Variants in RGPD8 observed in about 807,000 individuals in gnomAD.
RGPD8 encodes the protein RANBP2 like and GRIP domain containing 8.
In RGPD8, 15 loss-of-function variants were observed where a neutral mutation model predicts 89.1. The ratio of observed to expected loss-of-function variants is 0.17; its 90% CI spans 0.11 to 0.26. The LOEUF is 0.26. Ranked by LOEUF, RGPD8 falls within the 10% of genes least tolerant of loss-of-function variation. The pLI is 1.00. For missense variants in RGPD8, 178 were observed against 1,179.6 expected (o/e 0.15, Z 12.44); for synonymous variants, 62 against 420.9 (o/e 0.15, Z 10.44).
intron 22 of RGPD8, among the ~76,000 whole-genome samples, chr2:112,374,634 C>A (rs1364024716): frequency 8.3e-6 from 1 of 120,934 alleles, no homozygotes; most frequent in African/African-American, 2.8e-5. Flanking sequence ...TTTAATACTG[C>A]TTGAGATTTT....
chr2:112,425,567 C>T (rs2104833561), intron 1 of RGPD8, among the ~76,000 whole-genome samples: 1 of 151,740 alleles, frequency 6.6e-6, no homozygotes, highest in Non-Finnish European at 1.5e-5. Context: ...CGAGACCAGC[C>T]TGGCCAACAT....
At chr2:112,431,641 G>GTT (rs368409381) in intron 1 of RGPD8, among the ~76,000 whole-genome samples, 66 of 141,262 alleles carry the variant, frequency 4.7e-4, no homozygotes, top group Admixed American at 5.0e-4. Context: ...TGAGTTTCTG[G>GTT]TTTTTTTTTT....
intron 1 of RGPD8, among the ~76,000 whole-genome samples, chr2:112,425,577 T>G (rs1030368468): frequency 6.6e-6 from 1 of 151,372 alleles, no homozygotes; most frequent in Non-Finnish European, 1.5e-5. Flanking sequence ...CTGGCCAACA[T>G]ACAGAAACCT....
chr2:112,432,688 C>G (rs1680096292), intron 1 of RGPD8: 1 of 985,234 alleles, frequency 1.0e-6, no homozygotes, highest in African/African-American at 1.7e-5. Context: ...TGCCCAAGCC[C>G]CCGAGAACTA....
rs1416288591 is a variant in RGPD8, at chr2:112,371,803, CTG to C, written c.5264-1593_5264-1592del. Among the ~76,000 whole-genome samples the C allele has an allele frequency of 1.6e-4, 22 of 138,350 alleles. No homozygotes were observed. The East Asian group carries it at 4.8e-3, about 30-fold the overall frequency. The allele number at this position is 138,350 out of a possible 152,430, so 90.8% of individuals were successfully genotyped here. On this transcript the variant is annotated intron_variant, in intron 22 of 22. Transcript: ENST00000302558. ...TGGTATTACCCTTCCAGACACCTTTCTGTGTTTTCATACGTATATATGTATGA... is the reference window on the plus strand; with the variant it reads ...TGGTATTACCCTTCCAGACACCTTTCTGTTTTCATACGTATATATGTATGA...
At chr2:112,376,517 T>C (rs1351996372) in intron 22 of RGPD8, among the ~76,000 whole-genome samples, 2 of 111,634 alleles carry the variant, frequency 1.8e-5, no homozygotes, top group African/African-American at 6.4e-5. Flanking sequence ...TTGTTATAGA[T>C]AAAAAAACAA....
intron 1 of RGPD8, among the ~76,000 whole-genome samples, chr2:112,431,714 A>G (rs1420856370): frequency 6.0e-5 from 9 of 148,770 alleles, no homozygotes; most frequent in Non-Finnish European, 1.0e-4. Context: ...TCGGCTCACT[A>G]GAACCTCCGC....
chr2:112,432,484 AT>A (rs2104413218), intron 1 of RGPD8: 1 of 985,302 alleles, frequency 1.0e-6, no homozygotes, highest in South Asian at 4.7e-5. Context: ...TTTCCGTGTC[AT>A]TTGTGCCATC....
chr2:112,431,782 G>A (rs1272177999), intron 1 of RGPD8, among the ~76,000 whole-genome samples: 15 of 152,030 alleles, frequency 9.9e-5, no homozygotes, highest in African/African-American at 2.9e-4. Flanking sequence ...GACTACAGGC[G>A]TGCGCCACCA....
At position 112,416,318 on chromosome 2, in the gene RGPD8, A is replaced by G. The variant is rs1272239621; in HGVS notation, c.782+875T>C. ...ATTTAGGACACTATGTACTTTTTCA[A>G]GAAAATTACCTACTCCCTGCACTCA... On this transcript the variant is annotated intron_variant, in intron 6 of 22. Coordinates refer to ENST00000302558, the MANE Select transcript of RGPD8 (RefSeq NM_001164463.1). 2.0e-5 allele frequency among the ~76,000 whole-genome samples: 3 copies of G among 152,282 alleles called. No homozygotes were observed. In the East Asian group the frequency reaches 5.8e-4, roughly 29 times the overall value.
chr2:112,427,585 T>A (rs1679824262), intron 1 of RGPD8, among the ~76,000 whole-genome samples: 1 of 152,112 alleles, frequency 6.6e-6, no homozygotes, highest in African/African-American at 2.4e-5. Flanking sequence ...AAGATAGAGA[T>A]GTAATTGTAA....
intron 22 of RGPD8, among the ~76,000 whole-genome samples, chr2:112,373,068 T>G (rs1678002615): frequency 6.8e-6 from 1 of 147,792 alleles, no homozygotes; most frequent in Admixed American, 6.6e-5. Flanking sequence ...GTAGTAAAAT[T>G]GAGATTCAAA....
At chr2:112,374,568 CT>C (rs1678061045) in intron 22 of RGPD8, among the ~76,000 whole-genome samples, 1 of 132,402 alleles carries the variant, frequency 7.6e-6, no homozygotes, top group African/African-American at 2.6e-5. Context: ...TTCTCTCTGT[CT>C]TTTTTAGGGG....
At chr2:112,417,130 G>C in intron 6 of RGPD8, 63 bp downstream of exon 6, 1 of 1,607,652 alleles carries the variant, frequency 6.2e-7, no homozygotes, top group Non-Finnish European at 8.5e-7. Flanking sequence ...TTAGAGCAAT[G>C]AACTTACTGC....
intron 20 of RGPD8, among the ~76,000 whole-genome samples, chr2:112,385,219 CTG>C (rs1307316971): frequency 1.3e-5 from 2 of 150,420 alleles, no homozygotes; most frequent in Non-Finnish European, 3.0e-5. Context: ...TAAATAAAAA[CTG>C]TGACTCTATG....
At chr2:112,382,126 GA>G (rs1678326126) in intron 20 of RGPD8, among the ~76,000 whole-genome samples, 3 of 152,258 alleles carry the variant, frequency 2.0e-5, no homozygotes, top group Admixed American at 2.0e-4. Context: ...TCCTGTGCTG[GA>G]TGCTTCCTGC....
chr2:112,433,439 C>T lies in RGPD8; in HGVS notation c.15G>A (p.Lys5=). Residue 5 remains lysine (K), a synonymous_variant, in exon 1 of 23, where the codon AAG becomes AAA. Transcript: ENST00000302558. MRRS[K]ADVERYVASV... is the part of the protein sequence containing the mutation. ...AGGCGACGTACCGCTCCACATCGGC[C>T]TTGCTGCGCCTCATCGCGCCGCCAA... is the stretch of plus-strand genomic sequence containing the variant. The T allele has an allele frequency of 2.5e-6, 4 of 1,608,946 alleles. No individual in the cohort carries two copies. The highest frequency in any genetic ancestry group is 2.5e-6 in the Non-Finnish European group (3 of 1,178,658).
intron 1 of RGPD8, among the ~76,000 whole-genome samples, chr2:112,429,136 TG>T (rs1383816493): frequency 1.3e-5 from 2 of 151,480 alleles, no homozygotes; most frequent in Non-Finnish European, 2.9e-5. Context: ...ATGTCTAAAA[TG>T]GGGCCGGGCG....
rs1209064939 is a variant in RGPD8 at position 112,387,464 on chromosome 2, G to A, written c.4921+560C>T. Among the ~76,000 whole-genome samples, 12 of 140,600 alleles carry A rather than the reference G, an allele frequency of 8.5e-5. 1 individual carries two copies. Among genetic ancestry groups the A allele is most frequent in the Non-Finnish European group, 1.7e-4 (11 of 63,534 alleles). 92.2% of individuals were successfully genotyped at this position (140,600 alleles called of 152,430 possible). On this transcript the variant is annotated intron_variant, in intron 20 of 22. Coordinates refer to ENST00000302558, the MANE Select transcript of RGPD8 (RefSeq NM_001164463.1). ...CTACCTCCATCTCCTGTGCTCAAGCGATCCTCCTGCCTCAACCTCCTGAGT... is the reference window on the plus strand; with the variant it reads ...CTACCTCCATCTCCTGTGCTCAAGCAATCCTCCTGCCTCAACCTCCTGAGT...
Sources: allele counts gnomAD v4.1 joint callset (sites outside exome capture counted in the v4.1 genomes callset), GRCh38; gene constraint gnomAD v4.1.1; transcripts MANE v1.5; gene names NCBI Gene and HGNC (gene_info 2026-07-23, HGNC 2026-07-21).